NF1: variants seen among roughly 807,000 people sequenced by gnomAD.
NF1 encodes neurofibromin 1, also known as neurofibromin.
In NF1, 122 loss-of-function variants were observed where a neutral mutation model predicts 325.7. The observed-to-expected ratio is 0.37, with a 90% CI of 0.32 to 0.44. The LOEUF (loss-of-function observed/expected upper bound fraction) is 0.44. NF1 is among the 20% of genes least tolerant of loss of function. The pLI, the probability that NF1 is intolerant of heterozygous loss-of-function variation, is 1.00. For synonymous variants in NF1, 1,091 were observed against 1,186.0 expected (o/e 0.92, Z 1.65); for missense variants, 2,140 against 3,415.4 (o/e 0.63, Z 9.31).
At chr17:31,181,324 G>T (rs1347408424) in intron 5 of NF1, 98 bp from the exon 6 acceptor site, 4 of 1,116,872 alleles carry the variant, frequency 3.6e-6, no homozygotes, top group Non-Finnish European at 5.3e-6. Context: ...GATAATATTG[G>T]AGCAAAAGTA....
chr17:31,342,725 T>C (rs2069855165), intron 47 of NF1, among the ~76,000 whole-genome samples: 1 of 152,222 alleles, frequency 6.6e-6, no homozygotes, highest in South Asian at 2.1e-4. Flanking sequence ...TTAATAAGCA[T>C]GTTAAAAGTC....
chr17:31,230,074 T>C (rs1426499433), intron 22 of NF1, 100 bp downstream of exon 22: 2 of 1,495,398 alleles, frequency 1.3e-6, no homozygotes, highest in African/African-American at 1.4e-5. Context: ...CTGGCCATTC[T>C]TTACTGCACA....
chr17:31,100,632 C>A (rs1388206124), intron 1 of NF1, among the ~76,000 whole-genome samples: 1 of 152,022 alleles, frequency 6.6e-6, no homozygotes, highest in Admixed American at 6.6e-5. Flanking sequence ...TGCAGTGGCG[C>A]GATCTCAGCT....
At chr17:31,109,955 G>T (rs955257941) in intron 1 of NF1, among the ~76,000 whole-genome samples, 6 of 152,116 alleles carry the variant, frequency 3.9e-5, no homozygotes, top group Non-Finnish European at 7.4e-5. Flanking sequence ...ACTGAGCTGT[G>T]GGGGAGGGGA....
intron 57 of NF1, among the ~76,000 whole-genome samples, chr17:31,370,460 A>G (rs1045925773): frequency 6.6e-6 from 1 of 152,274 alleles, no homozygotes. Context: ...GTATGTGAAC[A>G]ACTTTATAGC....
chr17:31,132,166 C>T (rs781693099), intron 1 of NF1, among the ~76,000 whole-genome samples: 5 of 151,866 alleles, frequency 3.3e-5, no homozygotes, highest in Non-Finnish European at 7.4e-5. Context: ...CTCATGGGCT[C>T]AAATGATCTT....
intron 36 of NF1, chr17:31,305,696 A>G: frequency 7.2e-7 from 1 of 1,391,886 alleles, no homozygotes; most frequent in Non-Finnish European, 9.7e-7. Flanking sequence ...TAAAAATTTG[A>G]CTTTTCATTA....
At chr17:31,232,253 A>C (rs2151434034) in intron 25 of NF1, 64 bp downstream of exon 25, 5 of 987,294 alleles carry the variant, frequency 5.1e-6, no homozygotes, top group Admixed American at 1.7e-5. Context: ...CACACAAAAA[A>C]AGCAAAGAAA....
rs142021539 is a variant in NF1 at position 31,282,255 on chromosome 17, A to T, written c.4835+16916A>T. Among the ~76,000 whole-genome samples the T allele has an allele frequency of 3.9e-3, 585 of 150,836 alleles. 3 individuals carry two copies. The highest frequency in any genetic ancestry group is 0.014 in the African/African-American group (565 of 41,056). On this transcript the variant is annotated intron_variant, in intron 36 of 57. Coordinates refer to ENST00000358273, the MANE Select transcript of NF1 (RefSeq NM_001042492.3). ...AAATCAGCTGGGCGCGGTGGCAGGC[A>T]CCTGTAGTCCCAGCTACTTGGGAGG...
intron 14 of NF1, among the ~76,000 whole-genome samples, chr17:31,221,642 G>C (rs2144001686): frequency 6.6e-6 from 1 of 152,144 alleles, no homozygotes; most frequent in East Asian, 1.9e-4. Flanking sequence ...AGAATGATGG[G>C]AATAAAATGA....
Position 31,178,454 on chromosome 17 carries a change from C to T in NF1, c.587-2968C>T, listed in dbSNP as rs190241953. Among the ~76,000 whole-genome samples the T allele has an allele frequency of 3.1e-3, 469 of 152,302 alleles. 2 individuals carry two copies. The highest frequency in any genetic ancestry group is 5.9e-3 in the Admixed American group (90 of 15,306). ...GACCATCTATGCTGTGAAGAAACTG[C>T]ATCAACTAATGGGCTAAATAACCAG... is the stretch of plus-strand genomic sequence containing the variant. On this transcript the variant is annotated intron_variant, in intron 5 of 57. Transcript: ENST00000358273.
At chr17:31,166,273 A>T (rs1217446283) in intron 4 of NF1, among the ~76,000 whole-genome samples, 3 of 152,134 alleles carry the variant, frequency 2.0e-5, no homozygotes, top group Non-Finnish European at 4.4e-5. Context: ...TTTTTTAAAA[A>T]TAGTTTTCAG....
chr17:31,354,342 T>A (rs1055649691), intron 51 of NF1, among the ~76,000 whole-genome samples: 3 of 152,026 alleles, frequency 2.0e-5, no homozygotes, highest in Admixed American at 6.6e-5. Flanking sequence ...AGTAGGGGCA[T>A]ATGTTTAAGA....
chr17:31,230,755 C>T (rs2067099362), intron 23 of NF1, 87 bp from the exon 24 acceptor site: 1 of 1,010,936 alleles, frequency 9.9e-7, no homozygotes, highest in Non-Finnish European at 1.5e-6. Context: ...AAATTATTTG[C>T]ACTATAAGAA....
At chr17:31,179,070 C>T (rs1173958309) in intron 5 of NF1, among the ~76,000 whole-genome samples, 1 of 152,214 alleles carries the variant, frequency 6.6e-6, no homozygotes, top group Non-Finnish European at 1.5e-5. Context: ...ATATTCTTCT[C>T]AGCACCACAT....
At chr17:31,172,695 C>T (rs1437152494) in intron 5 of NF1, among the ~76,000 whole-genome samples, 2 of 152,108 alleles carry the variant, frequency 1.3e-5, no homozygotes, top group Admixed American at 6.5e-5. Flanking sequence ...CACATCTGCT[C>T]GTCTCTAGAA....
chr17:31,219,755 A>T (rs2066890478), intron 14 of NF1, among the ~76,000 whole-genome samples: 2 of 151,834 alleles, frequency 1.3e-5, no homozygotes, highest in South Asian at 4.2e-4. Flanking sequence ...CCAACTACTA[A>T]TCTATTTTCT....
chr17:31,281,322 A>G (rs1182314954), intron 36 of NF1, among the ~76,000 whole-genome samples: 2 of 152,238 alleles, frequency 1.3e-5, no homozygotes, highest in East Asian at 3.8e-4. Context: ...AGTTGATCCA[A>G]GAAGACTCTA....
intron 3 of NF1, among the ~76,000 whole-genome samples, chr17:31,160,331 G>T (rs761500630): frequency 2.0e-5 from 3 of 151,972 alleles, no homozygotes; most frequent in African/African-American, 4.8e-5. Context: ...CAAGTGATCC[G>T]CCCATTTTAG....
Sources: gnomAD v4.1 joint callset for allele counts (sites outside exome capture counted in the v4.1 genomes callset) on GRCh38, gnomAD v4.1.1 for gene constraint, MANE v1.5 for transcripts, NCBI Gene and HGNC (gene_info 2026-07-23, HGNC 2026-07-21) for gene names.